Variants in BANF2 observed in about 807,000 individuals in gnomAD.
The protein encoded by BANF2 is BANF family member 2.
Under a neutral mutation model 8.0 loss-of-function variants are expected in BANF2, and 4 were observed. That is an observed-to-expected ratio of 0.50 (90% CI 0.25 to 1.14). The LOEUF (loss-of-function observed/expected upper bound fraction) is 1.14. BANF2 is among the 50% of genes most tolerant of loss of function. The pLI, the probability that BANF2 is intolerant of heterozygous loss-of-function variation, is 0.16. For synonymous variants in BANF2, 50 were observed against 40.6 expected, an observed-to-expected ratio of 1.23 and a Z score of -0.88; for missense variants, 96 against 107.5, an observed-to-expected ratio of 0.89 and a Z score of 0.47.
chr20:17,695,397 G>A (rs929770719), upstream of BANF2, among the ~76,000 whole-genome samples: 21 of 127,110 alleles, frequency 1.7e-4, no homozygotes, highest in Admixed American at 1.2e-3. Flanking sequence ...AGTAAGCCAT[G>A]TTCACAAACC....
chr20:17,702,974 G>C (rs2122569514), intron 1 of BANF2, among the ~76,000 whole-genome samples: 1 of 152,308 alleles, frequency 6.6e-6, no homozygotes, highest in East Asian at 1.9e-4. Context: ...GCTAGACGCT[G>C]CTGCTCTGGG....
At chr20:17,709,469 C>A (rs1211687180) in intron 1 of BANF2, among the ~76,000 whole-genome samples, 1 of 152,172 alleles carries the variant, frequency 6.6e-6, no homozygotes, top group Non-Finnish European at 1.5e-5. Context: ...CGTGGGCCTT[C>A]GATATCCTAT....
At chr20:17,719,377 C>A (rs1374602031) in intron 1 of BANF2, among the ~76,000 whole-genome samples, 1 of 152,126 alleles carries the variant, frequency 6.6e-6, no homozygotes, top group Non-Finnish European at 1.5e-5. Context: ...GGTGATCTGC[C>A]TGCCTCAGCC....
chr20:17,735,790 G>GT lies in BANF2; in HGVS notation c.253dup (p.Trp85LeufsTer?). The GT allele has an allele frequency of 6.2e-7, 1 of 1,613,770 alleles. No individual in the cohort carries two copies. Among genetic ancestry groups the GT allele is most frequent in the Non-Finnish European group, 8.5e-7 (1 of 1,179,940 alleles). On this transcript the variant is annotated frameshift_variant, in exon 4 of 4. Transcript: ENST00000246090. LOFTEE classifies it high-confidence loss of function. ...AGCAGACTTCTCACTGCCTCAAGGAGTGGTGTGCCTGCTTCCTGTAGACAC... is the reference window on the plus strand; with the variant it reads ...AGCAGACTTCTCACTGCCTCAAGGAGTTGGTGTGCCTGCTTCCTGTAGACAC...
At chr20:17,695,026 A>G (rs2037334449), upstream of BANF2, among the ~76,000 whole-genome samples, 1 of 152,136 alleles carries the variant, frequency 6.6e-6, no homozygotes, top group Admixed American at 6.5e-5. Flanking sequence ...TTAGGTCATA[A>G]AACGAGGAAG....
intron 1 of BANF2, among the ~76,000 whole-genome samples, chr20:17,719,214 T>A (rs1242291956): frequency 6.6e-6 from 1 of 152,122 alleles, no homozygotes; most frequent in Non-Finnish European, 1.5e-5. Context: ...AACCTCCGCC[T>A]CCCGGGTTCA....
chr20:17,707,105 C>T (rs530102748), intron 1 of BANF2, among the ~76,000 whole-genome samples: 2 of 152,014 alleles, frequency 1.3e-5, no homozygotes, highest in Non-Finnish European at 2.9e-5. Context: ...AAATCCCAGC[C>T]GGGCGCAGTG....
At chr20:17,729,508 A>G (rs2037862760) in intron 3 of BANF2, among the ~76,000 whole-genome samples, 1 of 152,174 alleles carries the variant, frequency 6.6e-6, no homozygotes, top group Non-Finnish European at 1.5e-5. Context: ...AGGCCAGGTC[A>G]GGCAGATCAC....
intron 3 of BANF2, among the ~76,000 whole-genome samples, chr20:17,732,551 T>G (rs952280828): frequency 1.1e-4 from 16 of 152,148 alleles, no homozygotes; most frequent in Admixed American, 6.5e-4. Flanking sequence ...GAGATGGGGT[T>G]TCACTATGTT....
Sources: gnomAD v4.1 joint callset for allele counts (sites outside exome capture counted in the v4.1 genomes callset) on GRCh38, gnomAD v4.1.1 for gene constraint, MANE v1.5 for transcripts, NCBI Gene and HGNC (gene_info 2026-07-23, HGNC 2026-07-21) for gene names.